GNB4: variants seen among roughly 807,000 people sequenced by gnomAD.
GNB4 encodes G protein subunit beta 4.
In GNB4, 28 loss-of-function variants were observed where a neutral mutation model predicts 45.2. The observed-to-expected ratio is 0.62, with a 90% CI of 0.46 to 0.85. The LOEUF (loss-of-function observed/expected upper bound fraction) is 0.85. Ranked by LOEUF, GNB4 falls within the 40% of genes least tolerant of loss-of-function variation. The pLI is 0.00. For synonymous variants in GNB4, 132 were observed against 143.7 expected (o/e 0.92, Z 0.58); for missense variants, 321 against 425.4 (o/e 0.75, Z 2.16).
the GNB4 span, among the ~76,000 whole-genome samples, chr3:179,482,275 C>A: frequency 6.6e-6 from 1 of 151,998 alleles, no homozygotes; most frequent in East Asian, 1.9e-4. Context: ...TTTAAATGAC[C>A]TTTTTGCAAT....
At chr3:179,485,195 G>C in the GNB4 span, among the ~76,000 whole-genome samples, 1 of 151,822 alleles carries the variant, frequency 6.6e-6, no homozygotes, top group Non-Finnish European at 1.5e-5. Flanking sequence ...TGTATTTTTA[G>C]TAGAGACGGG....
rs1406737071 is a variant in GNB4, at chr3:179,397,384, C to T, written c.*3829G>A. 1.3e-5 allele frequency: 2 copies of T among 152,148 alleles called. No homozygotes were observed. Among genetic ancestry groups the T allele is most frequent in the African/African-American group, 4.8e-5 (2 of 41,428 alleles). 9.4% of individuals were successfully genotyped at this position (152,148 alleles called of 1,614,324 possible). ...AGCAATAATAAAAGTTTCATTTTGT[C>T]ACCTTAAGTCAAGATCCATTTATCT... is the stretch of plus-strand genomic sequence containing the variant. On this transcript the variant is annotated 3_prime_UTR_variant, in exon 10 of 10. Coordinates refer to ENST00000232564, the MANE Select transcript of GNB4 (RefSeq NM_021629.4).
the GNB4 span, among the ~76,000 whole-genome samples, chr3:179,508,932 GTATA>G: frequency 1.7e-4 from 17 of 102,132 alleles, 1 homozygote; most frequent in African/African-American, 4.2e-4. Flanking sequence ...TTCAGCATGT[GTATA>G]TATATATATA....
intron 2 of GNB4, among the ~76,000 whole-genome samples, chr3:179,425,545 G>C (rs1472297005): frequency 1.3e-5 from 2 of 152,038 alleles, no homozygotes; most frequent in African/African-American, 4.8e-5. Flanking sequence ...AGTTCAGCTC[G>C]TTGCAACCTC....
chr3:179,445,466 TG>T (rs1296317279), intron 1 of GNB4, among the ~76,000 whole-genome samples: 1 of 152,040 alleles, frequency 6.6e-6, no homozygotes, highest in Non-Finnish European at 1.5e-5. Flanking sequence ...TGTATTTTTT[TG>T]TAGAGATGGG....
At chr3:179,414,548 A>G (rs886238846) in intron 6 of GNB4, among the ~76,000 whole-genome samples, 1 of 152,230 alleles carries the variant, frequency 6.6e-6, no homozygotes, top group Non-Finnish European at 1.5e-5. Context: ...CATACTTTCA[A>G]TTATGTAATT....
chr3:179,415,403 C>T (rs1714768992), intron 5 of GNB4, among the ~76,000 whole-genome samples: 1 of 152,098 alleles, frequency 6.6e-6, no homozygotes, highest in Non-Finnish European at 1.5e-5. Flanking sequence ...TGTAATAGTG[C>T]TCAGAAGAGA....
chr3:179,409,193 T>C (rs13065234), intron 8 of GNB4, among the ~76,000 whole-genome samples: 5,153 of 150,466 alleles, frequency 0.034, 134 homozygotes, highest in South Asian at 0.081. Flanking sequence ...TCCAAATCAA[T>C]GACATCAGCT....
Position 179,413,719 on chromosome 3 carries a change from T to G in GNB4, c.493A>C (p.Thr165Pro). ...SQIVTSSGDTTCALWDIETAQ... is the reference protein window; with the variant it reads ...SQIVTSSGDTPCALWDIETAQ... ...GTGCTTCTGGAATAAACTTACCAAG[T>G]TGTATCTCCTGAACTTGTAACAATT... Residue 165 changes from threonine to proline, a missense_variant, in exon 7 of 10, where the codon ACT (threonine) becomes CCT (proline). By Grantham distance (38) the Thr-to-Pro change is conservative. Coordinates refer to ENST00000232564, the MANE Select transcript of GNB4 (RefSeq NM_021629.4). 6.2e-7 allele frequency: 1 copy of G among 1,614,148 alleles called. No individual in the cohort carries two copies. Among genetic ancestry groups the G allele is most frequent in the South Asian group, 1.1e-5 (1 of 91,088 alleles).
At chr3:179,519,356 A>G in the GNB4 span, among the ~76,000 whole-genome samples, 4 of 152,234 alleles carry the variant, frequency 2.6e-5, no homozygotes, top group Middle Eastern at 3.4e-3. Flanking sequence ...AATCACCTCA[A>G]AAGCCCTCTA....
At chr3:179,519,583 T>C in the GNB4 span, among the ~76,000 whole-genome samples, 2 of 152,138 alleles carry the variant, frequency 1.3e-5, no homozygotes, top group Non-Finnish European at 2.9e-5. Context: ...TATGCACTCT[T>C]TTTTAGTTAT....
chr3:179,463,070 A>C, the GNB4 span, among the ~76,000 whole-genome samples: 1 of 152,218 alleles, frequency 6.6e-6, no homozygotes, highest in African/African-American at 2.4e-5. Context: ...TGTTTAGCTG[A>C]GAAAAGAAAG....
chr3:179,438,638 TTAAC>T (rs1715521153), intron 1 of GNB4, among the ~76,000 whole-genome samples: 2 of 152,214 alleles, frequency 1.3e-5, no homozygotes, highest in Non-Finnish European at 2.9e-5. Context: ...ATGCTGCAAT[TTAAC>T]TACTTCTTCC....
the GNB4 span, among the ~76,000 whole-genome samples, chr3:179,469,992 A>G: frequency 6.6e-6 from 1 of 152,346 alleles, no homozygotes; most frequent in Non-Finnish European, 1.5e-5. Flanking sequence ...CAGTGATCCC[A>G]TAGATTACAA....
At chr3:179,416,444 C>G (rs781349836) in intron 5 of GNB4, 49 bp downstream of exon 5, 10 of 1,115,704 alleles carry the variant, frequency 9.0e-6, no homozygotes, top group East Asian at 2.5e-5. Context: ...AACTGGTGAA[C>G]AGCCAAACAA....
At chr3:179,404,954 G>A (rs1312945505) in intron 9 of GNB4, among the ~76,000 whole-genome samples, 1 of 152,238 alleles carries the variant, frequency 6.6e-6, no homozygotes, top group Non-Finnish European at 1.5e-5. Context: ...TAATTCTGAA[G>A]TCTACCAAAT....
rs1261850696 is a variant in GNB4 at position 179,423,580 on chromosome 3, A to C, written c.57+2564T>G. 5.9e-5 allele frequency among the ~76,000 whole-genome samples: 9 copies of C among 152,034 alleles called. No homozygotes were observed. In the East Asian group the frequency reaches 1.5e-3, roughly 26 times the overall value. On this transcript the variant is annotated intron_variant, in intron 2 of 9. Coordinates refer to ENST00000232564, the MANE Select transcript of GNB4 (RefSeq NM_021629.4). ...AGGTGGATCATGAGGTCAAGCGATCAAGACCACCCTGGCCAACATGGTGAA... is the reference window on the plus strand; with the variant it reads ...AGGTGGATCATGAGGTCAAGCGATCCAGACCACCCTGGCCAACATGGTGAA...
At chr3:179,457,837 A>T in the GNB4 span, among the ~76,000 whole-genome samples, 5 of 151,642 alleles carry the variant, frequency 3.3e-5, no homozygotes, top group African/African-American at 9.7e-5. Context: ...TTTCACTTCG[A>T]GGTAGTAACA....
At chr3:179,423,152 T>C (rs1715043609) in intron 2 of GNB4, among the ~76,000 whole-genome samples, 1 of 152,162 alleles carries the variant, frequency 6.6e-6, no homozygotes, top group Non-Finnish European at 1.5e-5. Context: ...ATTTTACATA[T>C]ATGTGGTTAC....
Sources: gnomAD v4.1 joint callset for allele counts (sites outside exome capture counted in the v4.1 genomes callset) on GRCh38, gnomAD v4.1.1 for gene constraint, MANE v1.5 for transcripts, NCBI Gene and HGNC (gene_info 2026-07-23, HGNC 2026-07-21) for gene names.